ERP44: variants seen among roughly 807,000 people sequenced by gnomAD.
The protein encoded by ERP44 is endoplasmic reticulum resident protein 44.
Under a neutral mutation model 53.4 loss-of-function variants are expected in ERP44, and 25 were observed. The ratio of observed to expected loss-of-function variants is 0.47; its 90% CI spans 0.34 to 0.65. The LOEUF (loss-of-function observed/expected upper bound fraction) is 0.65. ERP44 is among the 30% of genes least tolerant of loss of function. ERP44 has a pLI of 0.01. For synonymous variants in ERP44, 145 were observed against 161.2 expected, an observed-to-expected ratio of 0.90 and a Z score of 0.76; for missense variants, 338 against 493.2, an observed-to-expected ratio of 0.69 and a Z score of 2.98.
intron 4 of ERP44, among the ~76,000 whole-genome samples, chr9:100,051,555 A>G (rs1159441490): frequency 6.6e-6 from 1 of 152,208 alleles, no homozygotes; most frequent in Non-Finnish European, 1.5e-5. Flanking sequence ...ACAGAGATTA[A>G]TAAGTGGTTT....
Position 99,998,731 on chromosome 9 carries a change from C to G in ERP44, c.1016+7775G>C. On this transcript the variant is annotated intron_variant, in intron 10 of 11. Coordinates refer to ENST00000262455, the MANE Select transcript of ERP44 (RefSeq NM_015051.3). The stretch of plus-strand genomic sequence containing the variant: ...TCGGTTTATCTCATTTTTTGCATCT[C>G]TTTTCTTTTTTCCTCTTCCCGCAAA... The G allele has an allele frequency of 1.2e-5, 9 of 729,762 alleles. No individual in the cohort carries two copies. In the Middle Eastern group the frequency reaches 1.5e-3, roughly 119 times the overall value. 45.2% of individuals were successfully genotyped at this position (729,762 alleles called of 1,614,324 possible).
intron 4 of ERP44, among the ~76,000 whole-genome samples, chr9:100,043,736 CAG>C (rs1368513577): frequency 6.6e-6 from 1 of 151,054 alleles, no homozygotes; most frequent in Non-Finnish European, 1.5e-5. Context: ...GCCTGGGAGA[CAG>C]AGCAAGACTC....
rs919313326 is a variant in ERP44, at chr9:99,998,659, G to A, written c.1016+7847C>T. 3.9e-6 allele frequency: 3 copies of A among 765,744 alleles called. 1 individual carries two copies. The highest frequency in any genetic ancestry group is 7.3e-6 in the Non-Finnish European group (3 of 412,208). 47.4% of individuals were successfully genotyped at this position (765,744 alleles called of 1,614,324 possible). A position where few individuals can be genotyped will look rare whatever the true frequency, so the allele number is the denominator to read the frequency against. On this transcript the variant is annotated intron_variant, in intron 10 of 11. Transcript: ENST00000262455. ...ATCTCTCCACATCCCTGTGCTCTTTGTCACTGCTGCTGTGTGACCTTAATC... is the reference window on the plus strand; with the variant it reads ...ATCTCTCCACATCCCTGTGCTCTTTATCACTGCTGCTGTGTGACCTTAATC...
intron 8 of ERP44, among the ~76,000 whole-genome samples, chr9:100,013,600 T>G (rs1332925517): frequency 6.6e-6 from 1 of 152,128 alleles, no homozygotes; most frequent in African/African-American, 2.4e-5. Flanking sequence ...ACAATGAGAC[T>G]CTACTACACA....
At chr9:99,985,842 C>A (rs1278605429) in intron 10 of ERP44, among the ~76,000 whole-genome samples, 1 of 152,186 alleles carries the variant, frequency 6.6e-6, no homozygotes, top group Admixed American at 6.5e-5. Flanking sequence ...TTTACACTAA[C>A]AAGGGGACTT....
intron 4 of ERP44, among the ~76,000 whole-genome samples, chr9:100,035,887 C>G (rs1825844689): frequency 6.6e-6 from 1 of 151,810 alleles, no homozygotes; most frequent in South Asian, 2.1e-4. Flanking sequence ...GTTAAAAAGT[C>G]AAAAAAGAAC....
rs574786146 is a variant in ERP44 at position 99,992,059 on chromosome 9, C to T, written c.1017-6990G>A. Among the ~76,000 whole-genome samples the T allele has an allele frequency of 2.9e-3, 438 of 152,228 alleles. 1 individual carries two copies. The highest frequency in any genetic ancestry group is 6.8e-3 in the Admixed American group (104 of 15,292). ...CAACCAAAAAAAGTCCAGGACCAGA[C>T]GGATTCACAGCCGACTTCTACCAGA... On this transcript the variant is annotated intron_variant, in intron 10 of 11. Transcript: ENST00000262455.
chr9:99,989,575 C>T (rs1387180017), intron 10 of ERP44, among the ~76,000 whole-genome samples: 2 of 152,168 alleles, frequency 1.3e-5, no homozygotes, highest in Non-Finnish European at 2.9e-5. Context: ...GATAAAACCA[C>T]AAAGATGGGG....
intron 1 of ERP44, 57 bp downstream of exon 1, chr9:100,098,727 G>A: frequency 7.0e-7 from 1 of 1,436,598 alleles, no homozygotes; most frequent in South Asian, 1.1e-5. Context: ...TTCCCCCTGG[G>A]CGAGGGCCGG....
chr9:99,991,866 G>C (rs899935925), intron 10 of ERP44, among the ~76,000 whole-genome samples: 1 of 151,908 alleles, frequency 6.6e-6, no homozygotes, highest in African/African-American at 2.4e-5. Flanking sequence ...ATACAAACTA[G>C]CATCAGAGAA....
At chr9:100,020,551 A>C (rs1830576765) in intron 6 of ERP44, 65 bp downstream of exon 6, 1 of 809,266 alleles carries the variant, frequency 1.2e-6, no homozygotes, top group Non-Finnish European at 2.2e-6. Context: ...AAATGACCAA[A>C]TACAACAGCA....
chr9:99,984,747 T>G (rs368609335), intron 11 of ERP44, among the ~76,000 whole-genome samples: 1 of 152,212 alleles, frequency 6.6e-6, no homozygotes, highest in Non-Finnish European at 1.5e-5. Flanking sequence ...ATCAGAACAC[T>G]TTTATACAAT....
At chr9:99,985,522 T>C (rs111543914) in intron 10 of ERP44, among the ~76,000 whole-genome samples, 42 of 152,272 alleles carry the variant, frequency 2.8e-4, no homozygotes, top group African/African-American at 9.6e-4. Context: ...TGCGAACCTA[T>C]AACAAAAATA....
At chr9:100,093,689 C>T (rs1826590537) in intron 1 of ERP44, among the ~76,000 whole-genome samples, 1 of 151,926 alleles carries the variant, frequency 6.6e-6, no homozygotes, top group Non-Finnish European at 1.5e-5. Context: ...TCTATATAGT[C>T]TAGAAATAGA....
At chr9:100,084,814 C>T (rs967365251) in intron 1 of ERP44, among the ~76,000 whole-genome samples, 32 of 152,248 alleles carry the variant, frequency 2.1e-4, no homozygotes, top group African/African-American at 6.3e-4. Flanking sequence ...TACCACAATC[C>T]GTTTTGCATT....
intron 9 of ERP44, 42 bp downstream of exon 9, chr9:100,007,534 AAG>A: frequency 1.0e-6 from 1 of 978,262 alleles, no homozygotes; most frequent in East Asian, 2.4e-5. Context: ...AAAAAAAGAA[AAG>A]AGAGAAAGAA....
At chr9:100,094,789 C>CAGTAATT (rs1826604223) in intron 1 of ERP44, among the ~76,000 whole-genome samples, 1 of 145,658 alleles carries the variant, frequency 6.9e-6, no homozygotes, top group African/African-American at 2.5e-5. Flanking sequence ...TAGTGAGACC[C>CAGTAATT]TTGTCTCTAC....
chr9:100,005,923 T>C (rs1378859685), intron 10 of ERP44, among the ~76,000 whole-genome samples: 3 of 152,224 alleles, frequency 2.0e-5, no homozygotes. Context: ...ACAAAGCTGA[T>C]AAAAATTCAG....
chr9:99,983,575 A>C, intron 11 of ERP44, among the ~76,000 whole-genome samples: 1 of 144,254 alleles, frequency 6.9e-6, no homozygotes, highest in East Asian at 2.0e-4. Flanking sequence ...AAAAAAAAAA[A>C]GAAAAGGCAG....
Sources: allele counts gnomAD v4.1 joint callset (sites outside exome capture counted in the v4.1 genomes callset), GRCh38; gene constraint gnomAD v4.1.1; transcripts MANE v1.5; gene names NCBI Gene and HGNC (gene_info 2026-07-23, HGNC 2026-07-21).